CSMD1: variants seen among roughly 807,000 people sequenced by gnomAD.
The protein encoded by CSMD1 is CUB and Sushi multiple domains 1, also known as CUB and sushi domain-containing protein 1.
CSMD1 carries 213 observed loss-of-function variants against 417.5 expected under a neutral mutation model. The observed-to-expected ratio is 0.51, with a 90% CI of 0.46 to 0.57. The LOEUF is 0.57. Among genes scored for constraint, CSMD1 ranks in the 20% least tolerant of loss-of-function variants. CSMD1 has a pLI of 0.00. For synonymous variants in CSMD1, 2,862 were observed against 1,736.8 expected, an observed-to-expected ratio of 1.65 and a Z score of -16.11; for missense variants, 6,923 against 4,529.7, an observed-to-expected ratio of 1.53 and a Z score of -15.17.
chr8:4,593,982 C>T (rs1361457518), intron 2 of CSMD1, among the ~76,000 whole-genome samples: 5 of 152,024 alleles, frequency 3.3e-5, no homozygotes, highest in Admixed American at 1.3e-4. Flanking sequence ...GTGGAGGACC[C>T]TTCTTGTCTC....
chr8:2,974,055 AGAGGATGG>A (rs1255658568), intron 56 of CSMD1, among the ~76,000 whole-genome samples: 24 of 148,944 alleles, frequency 1.6e-4, no homozygotes, highest in African/African-American at 6.0e-4. Context: ...GGATGGTGGT[AGAGGATGG>A]TGGTAGAGGA....
At chr8:4,394,212 G>T (rs752319492) in intron 3 of CSMD1, among the ~76,000 whole-genome samples, 1 of 152,070 alleles carries the variant, frequency 6.6e-6, no homozygotes, top group Non-Finnish European at 1.5e-5. Flanking sequence ...AAGTGCCTAG[G>T]TCTTAGAAAA....
chr8:4,527,638 T>C (rs1390209139), intron 2 of CSMD1, among the ~76,000 whole-genome samples: 1 of 152,200 alleles, frequency 6.6e-6, no homozygotes, highest in Non-Finnish European at 1.5e-5. Flanking sequence ...CCCAGAACTA[T>C]AGATAAAATT....
At position 3,676,244 on chromosome 8, in the gene CSMD1, T is replaced by A. The variant is rs546733083; in HGVS notation, c.1009+32170A>T. Among the ~76,000 whole-genome samples the A allele has an allele frequency of 2.6e-5, 4 of 152,318 alleles. No individual in the cohort carries two copies. In the South Asian group the frequency reaches 8.3e-4, roughly 32 times the overall value. On this transcript the variant is annotated intron_variant, in intron 7 of 69. Coordinates refer to ENST00000635120, the MANE Select transcript of CSMD1 (RefSeq NM_033225.6). Reference sequence around the variant, plus strand: ...TAAATACTAACCTTGGGGTCAGACATGTACAGTTTTGATCCCTGGCCCTAA... The same window carrying A: ...TAAATACTAACCTTGGGGTCAGACAAGTACAGTTTTGATCCCTGGCCCTAA...
chr8:4,589,524 T>C (rs1050600138), intron 2 of CSMD1, among the ~76,000 whole-genome samples: 7 of 152,180 alleles, frequency 4.6e-5, no homozygotes, highest in Admixed American at 1.3e-4. Context: ...TCAGCACTCA[T>C]TCCCCAGGTT....
intron 3 of CSMD1, among the ~76,000 whole-genome samples, chr8:4,209,058 C>A (rs1017831242): frequency 6.6e-6 from 1 of 152,190 alleles, no homozygotes; most frequent in Non-Finnish European, 1.5e-5. Flanking sequence ...CTTCTTGCTT[C>A]TTGAATTTTT....
chr8:4,790,466 A>G (rs1218175205), intron 1 of CSMD1, among the ~76,000 whole-genome samples: 2 of 152,184 alleles, frequency 1.3e-5, no homozygotes, highest in African/African-American at 4.8e-5. Context: ...TTTCCACAGA[A>G]TGAGAAAAAA....
chr8:3,840,809 T>A (rs1364766736), intron 5 of CSMD1, among the ~76,000 whole-genome samples: 2 of 151,694 alleles, frequency 1.3e-5, no homozygotes, highest in African/African-American at 4.8e-5. Flanking sequence ...AATTCTCCTG[T>A]CTCAACCTTC....
chr8:3,898,241 G>C (rs1807497867), intron 5 of CSMD1, among the ~76,000 whole-genome samples: 1 of 152,060 alleles, frequency 6.6e-6, no homozygotes, highest in African/African-American at 2.4e-5. Context: ...AATAAAAATA[G>C]CTCAGATAAA....
At chr8:4,074,369 T>G (rs750352052) in intron 3 of CSMD1, among the ~76,000 whole-genome samples, 1 of 152,138 alleles carries the variant, frequency 6.6e-6, no homozygotes, top group African/African-American at 2.4e-5. Context: ...AGTCCATAAA[T>G]GATAGCAGTA....
At chr8:4,192,417 G>A (rs138356261) in intron 3 of CSMD1, among the ~76,000 whole-genome samples, 2,268 of 152,130 alleles carry the variant, frequency 0.015, 29 homozygotes, top group Non-Finnish European at 0.021. Flanking sequence ...ACATCAAGAG[G>A]CCACCATCAG....
intron 1 of CSMD1, among the ~76,000 whole-genome samples, chr8:4,781,637 T>C (rs753319347): frequency 3.3e-5 from 5 of 152,224 alleles, no homozygotes; most frequent in Non-Finnish European, 7.3e-5. Context: ...CTGTACTTAA[T>C]CAAATGTCCT....
At chr8:3,198,201 A>G (rs1402346387) in intron 33 of CSMD1, among the ~76,000 whole-genome samples, 1 of 152,222 alleles carries the variant, frequency 6.6e-6, no homozygotes, top group African/African-American at 2.4e-5. Context: ...CATGCAATAT[A>G]TTGTCTGATG....
intron 10 of CSMD1, among the ~76,000 whole-genome samples, chr8:3,567,798 G>C (rs1799777672): frequency 1.3e-5 from 2 of 152,068 alleles, no homozygotes; most frequent in South Asian, 2.1e-4. Flanking sequence ...TGCCTTTCTT[G>C]AACATCCTCT....
At chr8:4,336,404 C>T (rs1358835918) in intron 3 of CSMD1, among the ~76,000 whole-genome samples, 1 of 152,140 alleles carries the variant, frequency 6.6e-6, no homozygotes. Flanking sequence ...ATGGCCACTC[C>T]TGATGGAATG....
At chr8:4,668,342 T>A (rs1383954675) in intron 1 of CSMD1, among the ~76,000 whole-genome samples, 1 of 151,670 alleles carries the variant, frequency 6.6e-6, no homozygotes, top group Non-Finnish European at 1.5e-5. Context: ...TTGGTAGGGG[T>A]TCTTGGGCTG....
At chr8:4,270,193 T>C (rs189244091) in intron 3 of CSMD1, among the ~76,000 whole-genome samples, 1 of 152,230 alleles carries the variant, frequency 6.6e-6, no homozygotes, top group African/African-American at 2.4e-5. Flanking sequence ...GGAGTTGACA[T>C]AGCCGCGTGT....
intron 3 of CSMD1, among the ~76,000 whole-genome samples, chr8:4,216,714 G>T (rs1800694761): frequency 6.6e-6 from 1 of 152,082 alleles, no homozygotes; most frequent in South Asian, 2.1e-4. Context: ...CTAGGAGGAG[G>T]GGGTATAAAC....
intron 5 of CSMD1, among the ~76,000 whole-genome samples, chr8:3,795,923 TCTATCATGTACAGATATAG>T (rs1563088620): frequency 8.6e-5 from 5 of 58,158 alleles, no homozygotes; most frequent in East Asian, 3.6e-4. Flanking sequence ...GATATAGATA[TCTATCATGTACAGATATAG>T]ATATCTATCA....
Sources: allele counts gnomAD v4.1 joint callset (sites outside exome capture counted in the v4.1 genomes callset), GRCh38; gene constraint gnomAD v4.1.1; transcripts MANE v1.5; gene names NCBI Gene and HGNC (gene_info 2026-07-23, HGNC 2026-07-21).